The following GABRG3 variants were observed in gnomAD, a reference collection of about 807,000 sequenced individuals.
The protein encoded by GABRG3 is gamma-aminobutyric acid receptor subunit gamma-3.
A neutral mutation model predicts 48.8 loss-of-function variants in GABRG3; 25 were observed. The observed-to-expected ratio is 0.51, with a 90% confidence interval of 0.37 to 0.72. The LOEUF (loss-of-function observed/expected upper bound fraction) is 0.72, where lower values mean the gene tolerates loss of function less well. GABRG3 is among the 30% of genes least tolerant of loss of function. The pLI, the probability that GABRG3 is intolerant of heterozygous loss-of-function variation, is 0.00. For synonymous variants in GABRG3, 227 were observed against 217.6 expected (o/e 1.04, Z -0.38); for missense variants, 394 against 577.9 (o/e 0.68, Z 3.26).
intron 3 of GABRG3, among the ~76,000 whole-genome samples, chr15:27,316,192 G>A (rs1893209090): frequency 6.6e-6 from 1 of 151,866 alleles, no homozygotes; most frequent in South Asian, 2.1e-4. Context: ...AGACCATCCC[G>A]GCTAAAAAAA....
intron 3 of GABRG3, among the ~76,000 whole-genome samples, chr15:27,170,582 T>G (rs1203894582): frequency 6.6e-6 from 1 of 152,036 alleles, no homozygotes; most frequent in South Asian, 2.1e-4. Flanking sequence ...AAAAGCAGGA[T>G]GAAAGACAGA....
intron 6 of GABRG3, among the ~76,000 whole-genome samples, chr15:27,485,632 A>G (rs1300140171): frequency 2.0e-5 from 3 of 152,178 alleles, no homozygotes; most frequent in Non-Finnish European, 4.4e-5. Context: ...AAAGAGAATG[A>G]TGGGCTCCCC....
chr15:27,380,462 TTTA>T (rs1444791701), intron 5 of GABRG3, among the ~76,000 whole-genome samples: 1 of 152,140 alleles, frequency 6.6e-6, no homozygotes, highest in Non-Finnish European at 1.5e-5. Flanking sequence ...TATAATTTTT[TTTA>T]TTAAGAGACA....
At chr15:27,370,766 G>A (rs9708195) in intron 5 of GABRG3, among the ~76,000 whole-genome samples, 44,533 of 152,112 alleles carry the variant, frequency 0.29, 6,808 homozygotes, top group Middle Eastern at 0.42. Context: ...GAGCACTCTG[G>A]CACATTCCTC....
Position 27,313,280 on chromosome 15 carries a change from A to G in GABRG3, c.271-13529A>G, listed in dbSNP as rs1328308299. Among the ~76,000 whole-genome samples the G allele has an allele frequency of 3.0e-3, 252 of 83,712 alleles. 6 individuals are homozygous for G. The highest frequency in any genetic ancestry group is 9.6e-3 in the East Asian group (21 of 2,190). 54.9% of individuals were successfully genotyped at this position (83,712 alleles called of 152,430 possible). A position where few individuals can be genotyped will look rare whatever the true frequency, so the allele number is the denominator to read the frequency against. On this transcript the variant is annotated intron_variant, in intron 3 of 9. Transcript: ENST00000615808. ...TGTGTGTGTATATATATATATATAT[A>G]TATATATATATATATATATATATAT... is the stretch of plus-strand genomic sequence containing the variant.
rs1031656421 is a variant in GABRG3, at chr15:26,995,873, C to T, written c.202+18723C>T. 4.6e-5 allele frequency among the ~76,000 whole-genome samples: 7 copies of T among 151,800 alleles called. No homozygotes were observed. In the East Asian group the frequency reaches 1.2e-3, roughly 25 times the overall value. On this transcript the variant is annotated intron_variant, in intron 2 of 9. Transcript: ENST00000615808. ...AACCTTATGTCTTTTTTATATGCAC[C>T]ATTTAAATAACATATTTATTTATCA...
rs188132736 is a variant in GABRG3 at position 27,173,598 on chromosome 15, T to G, written c.270+146777T>G. Among the ~76,000 whole-genome samples the G allele has an allele frequency of 2.5e-3, 373 of 151,440 alleles. 3 individuals carry two copies. Among genetic ancestry groups the G allele is most frequent in the African/African-American group, 8.4e-3 (347 of 41,184 alleles). Reference sequence around the variant, plus strand: ...TGTTATGAAACATTTAGACCAGGCATGGTGCCTCATGTCTGTAATCCCAGT... The same window carrying G: ...TGTTATGAAACATTTAGACCAGGCAGGGTGCCTCATGTCTGTAATCCCAGT... On this transcript the variant is annotated intron_variant, in intron 3 of 9. Transcript: ENST00000615808.
rs150292935 is a variant in GABRG3, at chr15:27,516,241, C to A, written c.713-3731C>A. Among the ~76,000 whole-genome samples, 6 of 152,010 alleles carry A rather than the reference C, an allele frequency of 3.9e-5. No individual in the cohort carries two copies. In the East Asian group the frequency reaches 1.2e-3, roughly 29 times the overall value. ...TGAAGAAAAAGGTCTTTAAATGTACCATGTCCTTGTATTTTACAATAAACT... is the reference window on the plus strand; with the variant it reads ...TGAAGAAAAAGGTCTTTAAATGTACAATGTCCTTGTATTTTACAATAAACT... On this transcript the variant is annotated intron_variant, in intron 6 of 9. Transcript: ENST00000615808.
intron 5 of GABRG3, chr15:27,350,100 G>C (rs1337721215): frequency 2.2e-6 from 1 of 455,902 alleles, no homozygotes. Context: ...CTCTTATCAC[G>C]TTTTTCTTCC....
intron 3 of GABRG3, among the ~76,000 whole-genome samples, chr15:27,277,769 T>G (rs1326890109): frequency 6.6e-6 from 1 of 152,212 alleles, no homozygotes; most frequent in African/African-American, 2.4e-5. Flanking sequence ...AATCTGCTAC[T>G]GTTCAACAAT....
In GABRG3 at chr15:27,537,143, AAAG is replaced by A. The variant is rs1361997744; in HGVS notation, c.*4265_*4267del. The A allele has an allele frequency of 6.7e-6, 1 of 150,114 alleles. No homozygotes were observed. Among genetic ancestry groups the A allele is most frequent in the Admixed American group, 6.6e-5 (1 of 15,198 alleles). The allele number at this position is 150,114 out of a possible 1,614,324, so 9.3% of individuals were successfully genotyped here. A position where few individuals can be genotyped will look rare whatever the true frequency, so the allele number is the denominator to read the frequency against. ...TTTCTGTAAAAAAAAAAAAAAAAAAAAAGAATGGCTTAAGCTCCACATAATCTG... is the reference window on the plus strand; with the variant it reads ...TTTCTGTAAAAAAAAAAAAAAAAAAAAATGGCTTAAGCTCCACATAATCTG... On this transcript the variant is annotated 3_prime_UTR_variant, in exon 10 of 10. Transcript: ENST00000615808.
intron 3 of GABRG3, among the ~76,000 whole-genome samples, chr15:27,072,912 A>G (rs1280562288): frequency 6.6e-6 from 1 of 152,230 alleles, no homozygotes; most frequent in Non-Finnish European, 1.5e-5. Context: ...CATCCCTGCC[A>G]CAGCCCACTG....
At chr15:27,465,725 A>G (rs115328183) in intron 5 of GABRG3, among the ~76,000 whole-genome samples, 3,162 of 152,282 alleles carry the variant, frequency 0.021, 104 homozygotes, top group African/African-American at 0.072. Context: ...ATTCACCTCT[A>G]GGTAGTCTCT....
At chr15:27,035,960 A>G (rs1896170197) in intron 3 of GABRG3, among the ~76,000 whole-genome samples, 1 of 152,188 alleles carries the variant, frequency 6.6e-6, no homozygotes, top group African/African-American at 2.4e-5. Context: ...AACCTCCAAG[A>G]CAGTGGGAGA....
intron 3 of GABRG3, among the ~76,000 whole-genome samples, chr15:27,192,493 A>G (rs1888350286): frequency 6.6e-6 from 1 of 152,054 alleles, no homozygotes; most frequent in African/African-American, 2.4e-5. Context: ...CATCGCTGAT[A>G]CCCTTTCTTC....
intron 5 of GABRG3, among the ~76,000 whole-genome samples, chr15:27,354,231 T>G (rs1342706500): frequency 6.6e-6 from 1 of 152,206 alleles, no homozygotes; most frequent in African/African-American, 2.4e-5. Context: ...CATAGAAAAC[T>G]GACAGCATTT....
At chr15:27,332,479 AG>A in intron 5 of GABRG3, among the ~76,000 whole-genome samples, 1 of 152,264 alleles carries the variant, frequency 6.6e-6, no homozygotes, top group East Asian at 1.9e-4. Flanking sequence ...GGTTGCAGTG[AG>A]CCGAGATCAC....
chr15:27,079,932 A>G (rs1896965105), intron 3 of GABRG3, among the ~76,000 whole-genome samples: 1 of 152,114 alleles, frequency 6.6e-6, no homozygotes, highest in Non-Finnish European at 1.5e-5. Flanking sequence ...TCCTCCCAAC[A>G]TCACTCCCAG....
Position 26,971,599 on chromosome 15 carries a change from C to G in GABRG3, c.53+11C>G. On this transcript the variant is annotated intron_variant, in intron 1 of 9. Coordinates refer to ENST00000615808, the MANE Select transcript of GABRG3 (RefSeq NM_033223.5). ...GGGCTTGCACGCGCGGTAAGTGGCG[C>G]GGGGGCCGCATCCCCGGAGGCCCCG... 1.3e-6 allele frequency: 2 copies of G among 1,524,750 alleles called. No homozygotes were observed. Among genetic ancestry groups the G allele is most frequent in the Non-Finnish European group, 1.8e-6 (2 of 1,137,250 alleles). The allele number at this position is 1,524,750 out of a possible 1,614,324, so 94.5% of individuals were successfully genotyped here. A position where few individuals can be genotyped will look rare whatever the true frequency, so the allele number is the denominator to read the frequency against.
Sources: gnomAD v4.1 joint callset for allele counts (sites outside exome capture counted in the v4.1 genomes callset) on GRCh38, gnomAD v4.1.1 for gene constraint, MANE v1.5 for transcripts, NCBI Gene and HGNC (gene_info 2026-07-23, HGNC 2026-07-21) for gene names.